VRK2: variants seen among roughly 807,000 people sequenced by gnomAD.
VRK2 encodes the protein VRK serine/threonine kinase 2.
A neutral mutation model predicts 57.6 loss-of-function variants in VRK2; 60 were observed. That is an observed-to-expected ratio of 1.04 (90% CI 0.85 to 1.29). The LOEUF is 1.29. VRK2 is among the 50% of genes most tolerant of loss of function. The pLI is 0.00. For synonymous variants in VRK2, 231 were observed against 199.2 expected (o/e 1.16, Z -1.35); for missense variants, 705 against 588.1 (o/e 1.20, Z -2.06).
intron 2 of VRK2, among the ~76,000 whole-genome samples, chr2:58,077,796 A>G (rs1670329930): frequency 6.6e-6 from 1 of 152,128 alleles, no homozygotes; most frequent in Non-Finnish European, 1.5e-5. Context: ...GATAAGGCCA[A>G]CAATACCATG....
intron 1 of VRK2, among the ~76,000 whole-genome samples, chr2:57,969,071 T>G (rs1376306074): frequency 6.6e-6 from 1 of 152,062 alleles, no homozygotes; most frequent in Non-Finnish European, 1.5e-5. Context: ...TATTATAAAA[T>G]AGAGTGTTTG....
chr2:58,092,254 T>A (rs1255271195), intron 7 of VRK2, among the ~76,000 whole-genome samples: 1 of 152,184 alleles, frequency 6.6e-6, no homozygotes, highest in South Asian at 2.1e-4. Context: ...TTTTCAGGAA[T>A]GGTATATAAG....
In VRK2 at chr2:57,939,247, T is replaced by G. The variant is rs57143434; in HGVS notation, c.-439+31408T>G. ...GTGCCTTTTATTATCAAGTGTTCAT[T>G]TTCCATTAGTGATTTCCAGATTTCA... On this transcript the variant is annotated intron_variant, in intron 1 of 15. Coordinates refer to the VRK2 transcript ENST00000417641. 4.6e-3 allele frequency among the ~76,000 whole-genome samples: 704 copies of G among 152,302 alleles called. 10 individuals are homozygous for G. The highest frequency in any genetic ancestry group is 0.016 in the African/African-American group (677 of 41,562).
chr2:58,097,283 C>T lies in VRK2; in HGVS notation c.543+7560C>T, dbSNP rs192787209. Among the ~76,000 whole-genome samples the T allele has an allele frequency of 1.5e-3, 232 of 150,140 alleles. 1 individual carries two copies. The highest frequency in any genetic ancestry group is 5.7e-3 in the African/African-American group (227 of 39,710). ...AACGTCTACTCTTATTAGTGTTTCTCTCTGTCTCCTTGTTCTCCTATAGTT... is the reference window on the plus strand; with the variant it reads ...AACGTCTACTCTTATTAGTGTTTCTTTCTGTCTCCTTGTTCTCCTATAGTT... On this transcript the variant is annotated intron_variant, in intron 7 of 12. Coordinates refer to ENST00000340157, the MANE Select transcript of VRK2 (RefSeq NM_006296.7).
intron 1 of VRK2, among the ~76,000 whole-genome samples, chr2:57,954,395 C>G (rs975859998): frequency 3.9e-5 from 6 of 152,022 alleles, no homozygotes; most frequent in African/African-American, 1.4e-4. Context: ...AAACAAAGGT[C>G]CAGATAGGCT....
intron 7 of VRK2, among the ~76,000 whole-genome samples, chr2:58,102,043 T>C (rs1411041566): frequency 2.6e-5 from 4 of 151,636 alleles, no homozygotes; most frequent in Non-Finnish European, 5.9e-5. Context: ...AAGTCATTTG[T>C]AGATTTCTTA....
rs1285216021 is a variant in VRK2, at chr2:57,957,309, G to A, written c.-439+49470G>A. 5.3e-5 allele frequency among the ~76,000 whole-genome samples: 8 copies of A among 151,888 alleles called. No homozygotes were observed. In the South Asian group the frequency reaches 6.2e-4, roughly 12 times the overall value. On this transcript the variant is annotated intron_variant, in intron 1 of 15. Transcript: ENST00000417641. ...AAGATACATTTTGAAAAATAAATAA[G>A]TACCACGTAGCTCATATTTCAGGGT...
intron 1 of VRK2, among the ~76,000 whole-genome samples, chr2:58,024,887 G>T (rs1418960651): frequency 6.6e-6 from 1 of 152,100 alleles, no homozygotes; most frequent in Non-Finnish European, 1.5e-5. Flanking sequence ...ATTATCAAAA[G>T]AAATTCAAAT....
chr2:58,148,977 T>A (rs1305465485), intron 12 of VRK2, among the ~76,000 whole-genome samples: 2 of 151,802 alleles, frequency 1.3e-5, no homozygotes, highest in East Asian at 3.9e-4. Context: ...CCATTTTAGG[T>A]CCTAGTCTCC....
At chr2:58,086,210 T>C (rs1671602205) in intron 4 of VRK2, 129 bp from the exon 5 acceptor site, 1 of 744,516 alleles carries the variant, frequency 1.3e-6, no homozygotes, top group Non-Finnish European at 2.2e-6. Context: ...GATGTTTGAT[T>C]GAAAAAAAAT....
chr2:58,115,767 C>T (rs189580960), intron 7 of VRK2, among the ~76,000 whole-genome samples: 3,170 of 152,206 alleles, frequency 0.021, 115 homozygotes, highest in African/African-American at 0.069. Context: ...ACTGAAGTAA[C>T]GGGGGCTGTC....
chr2:57,966,178 T>C (rs1280142018), intron 1 of VRK2, among the ~76,000 whole-genome samples: 3 of 152,302 alleles, frequency 2.0e-5, no homozygotes, highest in African/African-American at 4.8e-5. Flanking sequence ...GTGTCATCAT[T>C]GTACTGCCTT....
At chr2:58,088,496 G>A (rs1671942806) in intron 6 of VRK2, 50 bp downstream of exon 6, 1 of 1,312,412 alleles carries the variant, frequency 7.6e-7, no homozygotes, top group Non-Finnish European at 1.1e-6. Flanking sequence ...TTTACTTCTT[G>A]CAATATAGAA....
At chr2:58,070,632 A>G (rs1359541134) in intron 2 of VRK2, among the ~76,000 whole-genome samples, 1 of 152,124 alleles carries the variant, frequency 6.6e-6, no homozygotes, top group African/African-American at 2.4e-5. Flanking sequence ...AGATTCCTCC[A>G]TATCTTTTTG....
At chr2:57,960,353 T>C (rs1165245231) in intron 1 of VRK2, among the ~76,000 whole-genome samples, 1 of 152,138 alleles carries the variant, frequency 6.6e-6, no homozygotes, top group Non-Finnish European at 1.5e-5. Context: ...ATCAGTCTTT[T>C]CTCCTAATAC....
chr2:58,145,184 TTC>T (rs1315038806), intron 11 of VRK2, among the ~76,000 whole-genome samples: 1 of 152,034 alleles, frequency 6.6e-6, no homozygotes, highest in Non-Finnish European at 1.5e-5. Context: ...GGTTCTGCCC[TTC>T]TGTTTCTGAG....
At chr2:57,987,480 T>TA (rs996245892) in intron 1 of VRK2, among the ~76,000 whole-genome samples, 2 of 151,368 alleles carry the variant, frequency 1.3e-5, no homozygotes, top group Admixed American at 6.6e-5. Context: ...TGAATAGCTT[T>TA]AAAAAAAAAT....
intron 1 of VRK2, among the ~76,000 whole-genome samples, chr2:57,975,904 C>CCTCACCCTCCT (rs1273788401): frequency 6.6e-6 from 1 of 151,616 alleles, no homozygotes; most frequent in Non-Finnish European, 1.5e-5. Flanking sequence ...ATTTTTTGAC[C>CCTCACCCTCCT]CTCACCCTCC....
intron 7 of VRK2, among the ~76,000 whole-genome samples, chr2:58,096,603 C>T (rs183724599): frequency 1.4e-4 from 22 of 151,868 alleles, no homozygotes; most frequent in African/African-American, 2.9e-4. Context: ...TTTGCTTTCT[C>T]CCTTTTTCTA....
Sources: gnomAD v4.1 joint callset for allele counts (sites outside exome capture counted in the v4.1 genomes callset) on GRCh38, gnomAD v4.1.1 for gene constraint, MANE v1.5 for transcripts, NCBI Gene and HGNC (gene_info 2026-07-23, HGNC 2026-07-21) for gene names.